The following MIPOL1 variants were observed in gnomAD, a reference collection of about 807,000 sequenced individuals.
The protein encoded by MIPOL1 is mirror-image polydactyly gene 1 protein.
Under a neutral mutation model 60.9 loss-of-function variants are expected in MIPOL1, and 57 were observed. The observed-to-expected ratio is 0.94, with a 90% CI of 0.76 to 1.17. The LOEUF is 1.17. MIPOL1 is among the 50% of genes most tolerant of loss of function. MIPOL1 has a pLI of 0.00. For missense variants in MIPOL1, 551 were observed against 511.6 expected (o/e 1.08, Z -0.74); for synonymous variants, 179 against 168.8 (o/e 1.06, Z -0.47).
chr14:37,267,427 G>T (rs1360382119), intron 4 of MIPOL1, among the ~76,000 whole-genome samples: 1 of 152,086 alleles, frequency 6.6e-6, no homozygotes, highest in Non-Finnish European at 1.5e-5. Context: ...GGCGGAGGTT[G>T]CAGTGAGCTG....
At chr14:37,433,615 G>A (rs990881541) in intron 11 of MIPOL1, among the ~76,000 whole-genome samples, 12 of 152,026 alleles carry the variant, frequency 7.9e-5, no homozygotes, top group Non-Finnish European at 2.9e-5. Flanking sequence ...GAGTGCAGTG[G>A]CGTGATCTCA....
chr14:37,523,742 C>T (rs967364036), intron 12 of MIPOL1, among the ~76,000 whole-genome samples: 4 of 152,056 alleles, frequency 2.6e-5, no homozygotes, highest in Non-Finnish European at 4.4e-5. Context: ...ACCTTGACCT[C>T]GTAAATCTTT....
intron 1 of MIPOL1, among the ~76,000 whole-genome samples, chr14:37,203,873 C>T (rs1965676680): frequency 6.6e-6 from 1 of 152,168 alleles, no homozygotes; most frequent in African/African-American, 2.4e-5. Context: ...ACCTCCGCCT[C>T]CCGGGTTCAA....
intron 9 of MIPOL1, among the ~76,000 whole-genome samples, chr14:37,322,467 G>T (rs1028810217): frequency 2.0e-5 from 3 of 151,526 alleles, no homozygotes; most frequent in Non-Finnish European, 4.4e-5. Context: ...ACATTTATTT[G>T]TTTTACTCTG....
intron 9 of MIPOL1, among the ~76,000 whole-genome samples, chr14:37,333,032 A>G (rs2089851765): frequency 6.6e-6 from 1 of 152,212 alleles, no homozygotes; most frequent in East Asian, 1.9e-4. Context: ...ATAGTAGTAC[A>G]GTATTGCTAC....
chr14:37,427,429 T>C (rs991506414), intron 11 of MIPOL1, among the ~76,000 whole-genome samples: 1 of 152,112 alleles, frequency 6.6e-6, no homozygotes, highest in Admixed American at 6.5e-5. Flanking sequence ...TACGGAGTTA[T>C]AAGAGTGGGG....
chr14:37,234,926 C>G (rs1971215152), intron 1 of MIPOL1, among the ~76,000 whole-genome samples: 1 of 151,522 alleles, frequency 6.6e-6, no homozygotes, highest in Admixed American at 6.6e-5. Flanking sequence ...CAGGCGCCCA[C>G]CACCACGTAC....
At chr14:37,475,359 A>G (rs1174276962) in intron 11 of MIPOL1, among the ~76,000 whole-genome samples, 4 of 152,146 alleles carry the variant, frequency 2.6e-5, no homozygotes, top group Admixed American at 6.5e-5. Flanking sequence ...ATGTTCTCCT[A>G]TTTTGTGAAT....
chr14:37,205,514 A>C (rs1965941840), intron 1 of MIPOL1, among the ~76,000 whole-genome samples: 2 of 152,072 alleles, frequency 1.3e-5, no homozygotes, highest in African/African-American at 4.8e-5. Context: ...CATGTACACA[A>C]AGTGCAGGTT....
chr14:37,271,103 T>G (rs1181136579), intron 6 of MIPOL1, among the ~76,000 whole-genome samples: 1 of 152,128 alleles, frequency 6.6e-6, no homozygotes. Flanking sequence ...TTCTGGAGTC[T>G]ATGTTTACTC....
intron 9 of MIPOL1, among the ~76,000 whole-genome samples, chr14:37,322,542 T>A (rs578247346): frequency 1.1e-4 from 16 of 152,120 alleles, no homozygotes; most frequent in African/African-American, 1.4e-4. Context: ...GGATTTTTTT[T>A]AATATTTTTA....
intron 7 of MIPOL1, among the ~76,000 whole-genome samples, chr14:37,289,888 A>G (rs1386638353): frequency 6.6e-6 from 1 of 152,162 alleles, no homozygotes; most frequent in Non-Finnish European, 1.5e-5. Flanking sequence ...TCAGTTAATC[A>G]TTAGCGTACA....
chr14:37,439,034 C>G (rs898404864), intron 11 of MIPOL1, among the ~76,000 whole-genome samples: 2 of 152,156 alleles, frequency 1.3e-5, no homozygotes, highest in African/African-American at 4.8e-5. Context: ...TAAGAGCCTA[C>G]TGTGTACTAA....
chr14:37,326,590 G>C (rs1438608823), intron 9 of MIPOL1, among the ~76,000 whole-genome samples: 2 of 152,206 alleles, frequency 1.3e-5, no homozygotes, highest in African/African-American at 2.4e-5. Context: ...GGAGCTCAGT[G>C]CTGGTCTGTA....
intron 10 of MIPOL1, among the ~76,000 whole-genome samples, chr14:37,403,017 A>G (rs1051087473): frequency 3.9e-5 from 6 of 152,174 alleles, no homozygotes; most frequent in Non-Finnish European, 7.4e-5. Flanking sequence ...TAGCTGTTAC[A>G]TTGCTTGTGT....
At chr14:37,230,819 T>C (rs1447497423) in intron 1 of MIPOL1, among the ~76,000 whole-genome samples, 1 of 152,168 alleles carries the variant, frequency 6.6e-6, no homozygotes, top group African/African-American at 2.4e-5. Flanking sequence ...TGCTACTGCA[T>C]GGCAAACAAG....
At chr14:37,350,964 T>C (rs1305605892) in intron 9 of MIPOL1, among the ~76,000 whole-genome samples, 2 of 151,946 alleles carry the variant, frequency 1.3e-5, no homozygotes, top group African/African-American at 4.8e-5. Context: ...TTGTGCAGGT[T>C]AGTTACATAT....
chr14:37,279,108 ATAG>A (rs1195452762), intron 6 of MIPOL1, among the ~76,000 whole-genome samples: 1 of 151,472 alleles, frequency 6.6e-6, no homozygotes, highest in Non-Finnish European at 1.5e-5. Context: ...GTTGGCTTAC[ATAG>A]TAGCTAATAA....
At chr14:37,268,859 T>G (rs2083077395) in intron 5 of MIPOL1, 66 bp downstream of exon 5, 1 of 1,260,506 alleles carries the variant, frequency 7.9e-7, no homozygotes, top group Non-Finnish European at 1.1e-6. Context: ...AAATTTCCTT[T>G]GTTGCCCATC....
Sources: allele counts gnomAD v4.1 joint callset (sites outside exome capture counted in the v4.1 genomes callset), GRCh38; gene constraint gnomAD v4.1.1; transcripts MANE v1.5; gene names NCBI Gene and HGNC (gene_info 2026-07-23, HGNC 2026-07-21).